The following PDE9A variants were observed in gnomAD, a reference collection of about 807,000 sequenced individuals.
The protein encoded by PDE9A is phosphodiesterase 9A, also known as high affinity cGMP-specific 3',5'-cyclic phosphodiesterase 9A.
In PDE9A, 60 loss-of-function variants were observed where a neutral mutation model predicts 87.4. The ratio of observed to expected loss-of-function variants is 0.69; its 90% CI spans 0.56 to 0.85. The LOEUF is 0.85. Among genes scored for constraint, PDE9A ranks in the 40% least tolerant of loss-of-function variants. PDE9A has a pLI of 0.00. For missense variants in PDE9A, 665 were observed against 779.0 expected (o/e 0.85, Z 1.74); for synonymous variants, 272 against 279.4 (o/e 0.97, Z 0.27).
Position 42,731,948 on chromosome 21 carries a change from A to G in PDE9A, c.441A>G (p.Pro147=), listed in dbSNP as rs144365095. 115 of 1,613,240 alleles carry G rather than the reference A, an allele frequency of 7.1e-5. No homozygotes were observed. The Middle Eastern group carries it at 8.2e-4, about 12-fold the overall frequency. Residue 147 remains proline (P), a splice_region_variant and synonymous_variant, in exon 5 of 20, where the codon CCA becomes CCG. Coordinates refer to ENST00000291539, the MANE Select transcript of PDE9A (RefSeq NM_002606.3). ...ACCAGGAAGGCCAGCGCATCCCTCCAGGTAACGGGCAGCTCCTCGGCCACA... is the reference window on the plus strand; with the variant it reads ...ACCAGGAAGGCCAGCGCATCCCTCCGGGTAACGGGCAGCTCCTCGGCCACA... ...GCYQEGQRIP[P]EREELIQSVL... is the part of the protein sequence containing the mutation.
At chr21:42,750,253 G>A (rs1035384083) in intron 8 of PDE9A, among the ~76,000 whole-genome samples, 1 of 152,160 alleles carries the variant, frequency 6.6e-6, no homozygotes, top group African/African-American at 2.4e-5. Flanking sequence ...TTGAACCTAG[G>A]AGTTCAAGAC....
intron 4 of PDE9A, among the ~76,000 whole-genome samples, chr21:42,720,793 G>A (rs1041293073): frequency 5.9e-5 from 9 of 152,022 alleles, no homozygotes; most frequent in Non-Finnish European, 1.2e-4. Flanking sequence ...ATCACCTGAG[G>A]TCGGGAGTTC....
At chr21:42,762,899 G>A (rs2055962298) in intron 14 of PDE9A, among the ~76,000 whole-genome samples, 1 of 152,098 alleles carries the variant, frequency 6.6e-6, no homozygotes, top group African/African-American at 2.4e-5. Context: ...CATCATGTTG[G>A]CCAGGCTGGT....
In PDE9A at chr21:42,759,397, G is replaced by GTA. The variant is rs1555949493; in HGVS notation, c.897+312_897+313insTA. Among the ~76,000 whole-genome samples the GTA allele has an allele frequency of 6.8e-6, 1 of 148,132 alleles. No individual in the cohort carries two copies. The highest frequency in any genetic ancestry group is 1.5e-5 in the Non-Finnish European group (1 of 66,302). ...TGTGTGGGAGCGTGTGTGTGTGTGT[G>GTA]GGAGCGTGTGTGTGTGTGAGAGTGA... On this transcript the variant is annotated intron_variant, in intron 11 of 19. Transcript: ENST00000291539. This position sits in a 1 kb window ranked among gnomAD's most constrained non-coding sequence, Gnocchi z 7.2.
intron 5 of PDE9A, 44 bp from the exon 6 acceptor site, chr21:42,732,026 T>C (rs1335249920): frequency 6.2e-7 from 1 of 1,613,078 alleles, no homozygotes; most frequent in Non-Finnish European, 8.5e-7. Context: ...ACACATCTTT[T>C]CCTCTTGTCC....
At position 42,653,770 on chromosome 21, in the gene PDE9A, C is replaced by T; in HGVS notation, c.-45C>T. 8.5e-7 allele frequency: 1 copy of T among 1,174,976 alleles called. No individual in the cohort carries two copies. The highest frequency in any genetic ancestry group is 1.1e-6 in the Non-Finnish European group (1 of 885,822). 72.8% of individuals were successfully genotyped at this position (1,174,976 alleles called of 1,614,324 possible). On this transcript the variant is annotated 5_prime_UTR_variant, in exon 1 of 20. Transcript: ENST00000291539. The stretch of plus-strand genomic sequence containing the variant: ...CCCCGCCTCCCGCGGCGGCTGGCGT[C>T]GGGAAAGTACAGTAAAAAGTCCGAG...
chr21:42,738,014 G>C (rs1231614333), intron 7 of PDE9A, among the ~76,000 whole-genome samples: 2 of 152,170 alleles, frequency 1.3e-5, no homozygotes, highest in African/African-American at 4.8e-5. Flanking sequence ...TTTGTAAACA[G>C]AACACCCAGG....
chr21:42,699,064 G>T, intron 4 of PDE9A, 53 bp downstream of exon 4: 1 of 1,199,334 alleles, frequency 8.3e-7, no homozygotes, highest in Non-Finnish European at 1.2e-6. Context: ...GAAATCTTGA[G>T]CTTGCCCCTG....
chr21:42,658,048 G>A (rs763293075), intron 1 of PDE9A, among the ~76,000 whole-genome samples: 19 of 152,228 alleles, frequency 1.2e-4, no homozygotes, highest in Admixed American at 1.3e-4. Context: ...GCCACCCACC[G>A]TGGCTACGCC....
intron 4 of PDE9A, among the ~76,000 whole-genome samples, chr21:42,727,574 C>T (rs58447721): frequency 0.12 from 16,746 of 141,982 alleles, 1,168 homozygotes; most frequent in East Asian, 0.36. Flanking sequence ...GCTCAAGCAA[C>T]CCTCCAACCT....
At chr21:42,728,857 C>T (rs1028749870) in intron 4 of PDE9A, among the ~76,000 whole-genome samples, 8 of 151,922 alleles carry the variant, frequency 5.3e-5, no homozygotes, top group African/African-American at 1.7e-4. Flanking sequence ...AAAAATTAGC[C>T]TGGCTTAGTG....
intron 4 of PDE9A, among the ~76,000 whole-genome samples, chr21:42,720,391 G>A (rs2050378647): frequency 1.3e-5 from 2 of 152,158 alleles, no homozygotes; most frequent in Admixed American, 6.5e-5. Flanking sequence ...CTACTCGGGA[G>A]GCTGAGGCAG....
intron 10 of PDE9A, among the ~76,000 whole-genome samples, chr21:42,755,974 GC>G (rs1172847597): frequency 6.6e-6 from 1 of 152,186 alleles, no homozygotes; most frequent in Non-Finnish European, 1.5e-5. Flanking sequence ...GGTGGGGCTT[GC>G]CCCACGAAGC....
In PDE9A at chr21:42,692,660, G is replaced by A. The variant is rs551544730; in HGVS notation, c.218+4666G>A. On this transcript the variant is annotated intron_variant, in intron 3 of 19. Transcript: ENST00000291539. This position sits in a 1 kb window ranked among gnomAD's most constrained non-coding sequence, Gnocchi z 4.3. ...CCAGTGAGGAGGACGAGGCTGGCCC[G>A]GGACACGCCACTGATGCTCTTCTGA... 3.9e-5 allele frequency among the ~76,000 whole-genome samples: 6 copies of A among 152,182 alleles called. No individual in the cohort carries two copies. Among genetic ancestry groups the A allele is most frequent in the East Asian group, 1.9e-4 (1 of 5,166 alleles).
At chr21:42,693,017 G>A (rs2059940510) in intron 3 of PDE9A, among the ~76,000 whole-genome samples, 1 of 152,196 alleles carries the variant, frequency 6.6e-6, no homozygotes, top group Non-Finnish European at 1.5e-5. Flanking sequence ...CTGTGACTAT[G>A]GTGCTGCGTG....
At chr21:42,744,302 G>A (rs540179643) in intron 8 of PDE9A, among the ~76,000 whole-genome samples, 10 of 152,216 alleles carry the variant, frequency 6.6e-5, no homozygotes, top group East Asian at 1.9e-4. Flanking sequence ...GCAGTGAGCC[G>A]AGATCGCGCC....
intron 3 of PDE9A, among the ~76,000 whole-genome samples, chr21:42,698,478 C>T (rs1037714827): frequency 6.6e-6 from 1 of 152,146 alleles, no homozygotes; most frequent in Non-Finnish European, 1.5e-5. Flanking sequence ...CTCCCCATCA[C>T]GCTGGGCCTC....
At chr21:42,670,507 T>C (rs542960035) in intron 1 of PDE9A, among the ~76,000 whole-genome samples, 2 of 145,276 alleles carry the variant, frequency 1.4e-5, no homozygotes, top group African/African-American at 2.5e-5. Context: ...CACTCACACC[T>C]TCACACACAC....
chr21:42,733,230 T>G, intron 6 of PDE9A, 126 bp from the exon 7 acceptor site: 2 of 654,062 alleles, frequency 3.1e-6, no homozygotes. Context: ...CCTCAGACCC[T>G]CACCAGCCCA....
Sources: gnomAD v4.1 joint callset for allele counts (sites outside exome capture counted in the v4.1 genomes callset) on GRCh38, gnomAD v4.1.1 for gene constraint, Gnocchi (gnomAD v3.1) non-coding constraint, MANE v1.5 for transcripts, NCBI Gene and HGNC (gene_info 2026-07-23, HGNC 2026-07-21) for gene names.